The following ITPRID1 variants were observed in gnomAD, a reference collection of about 807,000 sequenced individuals.
ITPRID1 encodes the protein protein ITPRID1.
ITPRID1 carries 96 observed loss-of-function variants against 95.4 expected under a neutral mutation model. The ratio of observed to expected loss-of-function variants is 1.01; its 90% CI spans 0.85 to 1.19. The LOEUF is 1.19. Ranked by LOEUF, ITPRID1 falls within the 50% of genes most tolerant of loss-of-function variation. The pLI is 0.00. For missense variants in ITPRID1, 1,339 were observed against 1,252.9 expected (o/e 1.07, Z -1.04); for synonymous variants, 510 against 453.6 (o/e 1.12, Z -1.58).
In ITPRID1 at chr7:31,562,033, A is replaced by G. The variant is rs1005427707; in HGVS notation, c.256+7132A>G. The stretch of plus-strand genomic sequence containing the variant: ...TTCTTAATCTCAGATTCCATATGAA[A>G]GCTATGTATTTAAAAAAAAAAAAAA... On this transcript the variant is annotated intron_variant, in intron 5 of 14. Transcript: ENST00000615280. Among the ~76,000 whole-genome samples the G allele has an allele frequency of 2.1e-5, 3 of 146,024 alleles. No homozygotes were observed. In the Admixed American group the frequency reaches 2.1e-4, roughly 10 times the overall value.
chr7:31,615,221 G>GACT (rs1172638125), intron 10 of ITPRID1, among the ~76,000 whole-genome samples: 2 of 152,060 alleles, frequency 1.3e-5, no homozygotes, highest in Admixed American at 6.5e-5. Context: ...ATATAGGGCT[G>GACT]ACTAGTGAAA....
chr7:31,553,930 A>G (rs1383955095), intron 3 of ITPRID1, among the ~76,000 whole-genome samples: 1 of 152,198 alleles, frequency 6.6e-6, no homozygotes, highest in Non-Finnish European at 1.5e-5. Context: ...GATCCACCTT[A>G]AAAGACTGGT....
At chr7:31,635,606 A>C (rs1214326686) in intron 10 of ITPRID1, among the ~76,000 whole-genome samples, 1 of 152,116 alleles carries the variant, frequency 6.6e-6, no homozygotes, top group Non-Finnish European at 1.5e-5. Context: ...TACTCTTTCT[A>C]CCTTTTAGGG....
chr7:31,599,662 TTCTCTCTC>T (rs70986634), intron 10 of ITPRID1, among the ~76,000 whole-genome samples: 1,589 of 31,384 alleles, frequency 0.051, 69 homozygotes, highest in South Asian at 0.12. Context: ...TTTCTTTCCT[TTCTCTCTC>T]TCTCTCTCTC....
In ITPRID1 at chr7:31,578,442, C is replaced by G; in HGVS notation, c.1170+8C>G. The G allele has an allele frequency of 6.4e-7, 1 of 1,569,806 alleles. No homozygotes were observed. The highest frequency in any genetic ancestry group is 1.2e-5 in the South Asian group (1 of 85,066). On this transcript the variant is annotated splice_region_variant and intron_variant, in intron 9 of 14. Coordinates refer to ENST00000615280, the MANE Select transcript of ITPRID1 (RefSeq NM_001257967.3). ...TCATTTGAAATGGAAGAGGTCAGTG[C>G]TGCACCAACGTACCAGCCTCCTAAG...
intron 5 of ITPRID1, among the ~76,000 whole-genome samples, chr7:31,563,776 G>A (rs1188058871): frequency 6.6e-6 from 1 of 152,120 alleles, no homozygotes; most frequent in Non-Finnish European, 1.5e-5. Context: ...AGTGGAATGG[G>A]GAGGAAGGGT....
At chr7:31,571,891 A>G (rs566476679) in intron 6 of ITPRID1, among the ~76,000 whole-genome samples, 1 of 152,318 alleles carries the variant, frequency 6.6e-6, no homozygotes, top group South Asian at 2.1e-4. Context: ...CCTAATGCTT[A>G]AATTCTTACA....
Position 31,554,372 on chromosome 7 carries a change from A to G in ITPRID1, c.164-103A>G, listed in dbSNP as rs1784379556. The G allele has an allele frequency of 3.4e-6, 5 of 1,478,500 alleles. No homozygotes were observed. The East Asian group carries it at 1.2e-4, about 37-fold the overall frequency. 91.6% of individuals were successfully genotyped at this position (1,478,500 alleles called of 1,614,324 possible). ...TGCTTATGGAAGGAAACATGTGACT[A>G]AATATGTGGGAAATAGTGACTGAGT... is the stretch of plus-strand genomic sequence containing the variant. On this transcript the variant is annotated intron_variant, in intron 3 of 14. Transcript: ENST00000615280.
chr7:31,616,694 T>TTCCTGATTTCCTCTGTGGCCAA (rs1215194749), intron 10 of ITPRID1, among the ~76,000 whole-genome samples: 102 of 152,318 alleles, frequency 6.7e-4, no homozygotes, highest in African/African-American at 2.4e-3. Context: ...CAATGGCCTT[T>TTCCTGATTTCCTCTGTGGCCAA]TCCTGATTTC....
chr7:31,575,882 G>T (rs1785163746), intron 8 of ITPRID1, among the ~76,000 whole-genome samples: 1 of 38,110 alleles, frequency 2.6e-5, no homozygotes, highest in East Asian at 1.1e-3. Flanking sequence ...CTTCAGGAAT[G>T]ATATTTTTTT....
intron 10 of ITPRID1, among the ~76,000 whole-genome samples, chr7:31,605,969 T>G (rs1302052154): frequency 6.6e-6 from 1 of 152,214 alleles, no homozygotes; most frequent in Non-Finnish European, 1.5e-5. Context: ...TGCATGGCAG[T>G]CTCACAGGTG....
At chr7:31,515,772 A>G (rs925240258) in intron 1 of ITPRID1, among the ~76,000 whole-genome samples, 3 of 152,198 alleles carry the variant, frequency 2.0e-5, no homozygotes, top group Non-Finnish European at 4.4e-5. Context: ...AATGTTTGCA[A>G]TGAGCCAAAA....
At chr7:31,598,916 A>G (rs755452790) in intron 10 of ITPRID1, among the ~76,000 whole-genome samples, 1 of 152,208 alleles carries the variant, frequency 6.6e-6, no homozygotes, top group African/African-American at 2.4e-5. Context: ...GATACTATCA[A>G]GTGTTGGTGA....
rs115873834 is a variant in ITPRID1 at position 31,652,695 on chromosome 7, T to C, written c.3001T>C (p.Leu1001=). ...QEAPCSGGTQ[L]AAFTPPTLEN... The stretch of plus-strand genomic sequence containing the variant: ...GGCTCCCTGTTCAGGTGGGACCCAG[T>C]TGGCTGCCTTCACTCCACCCACCTT... Residue 1001 remains leucine (L), a synonymous_variant, in exon 15 of 15, where the codon TTG becomes CTG. Transcript: ENST00000615280. The C allele has an allele frequency of 1.0e-3, 1,644 of 1,613,968 alleles. 10 individuals are homozygous for C. The African/African-American group carries it at 0.02, about 19-fold the overall frequency.
intron 5 of ITPRID1, among the ~76,000 whole-genome samples, chr7:31,564,807 G>A (rs1784741439): frequency 6.6e-6 from 1 of 152,166 alleles, no homozygotes; most frequent in Non-Finnish European, 1.5e-5. Flanking sequence ...TGGAGAGCAG[G>A]TTGCCTTCAA....
At chr7:31,588,056 A>G (rs1002329494) in intron 10 of ITPRID1, among the ~76,000 whole-genome samples, 2 of 152,230 alleles carry the variant, frequency 1.3e-5, no homozygotes, top group Non-Finnish European at 2.9e-5. Context: ...TCCAATGAGT[A>G]GATTCCTTCC....
chr7:31,624,986 A>C (rs1788309341), intron 10 of ITPRID1, among the ~76,000 whole-genome samples: 1 of 152,252 alleles, frequency 6.6e-6, no homozygotes, highest in African/African-American at 2.4e-5. Flanking sequence ...ACTTCTCAAA[A>C]GAAGACATTT....
At chr7:31,639,215 C>T (rs762772359) in intron 10 of ITPRID1, among the ~76,000 whole-genome samples, 9 of 152,164 alleles carry the variant, frequency 5.9e-5, no homozygotes, top group Admixed American at 2.6e-4. Flanking sequence ...TTTTCAGTTA[C>T]CTATACCTGA....
At chr7:31,559,347 G>C (rs1784552788) in intron 5 of ITPRID1, among the ~76,000 whole-genome samples, 3 of 152,000 alleles carry the variant, frequency 2.0e-5, no homozygotes, top group Non-Finnish European at 4.4e-5. Context: ...TCTACTTATT[G>C]CAGAATTTGT....
Sources: allele counts gnomAD v4.1 joint callset (sites outside exome capture counted in the v4.1 genomes callset), GRCh38; gene constraint gnomAD v4.1.1; transcripts MANE v1.5; gene names NCBI Gene and HGNC (gene_info 2026-07-23, HGNC 2026-07-21).